The following SLCO3A1 variants were observed in gnomAD, a reference collection of about 807,000 sequenced individuals.
SLCO3A1 encodes PGE1 transporter.
A neutral mutation model predicts 63.1 loss-of-function variants in SLCO3A1; 27 were observed. The ratio of observed to expected loss-of-function variants is 0.43; its 90% CI spans 0.32 to 0.59. The LOEUF is 0.59. Among genes scored for constraint, SLCO3A1 ranks in the 20% least tolerant of loss-of-function variants. The probability of loss-of-function intolerance (pLI) is 0.09; values close to 1 mark genes in which losing one functional copy is unlikely to be tolerated. For synonymous variants in SLCO3A1, 473 were observed against 409.9 expected (o/e 1.15, Z -1.86); for missense variants, 773 against 945.8 (o/e 0.82, Z 2.40).
chr15:91,925,216 T>TGA (rs1200973684), intron 2 of SLCO3A1, among the ~76,000 whole-genome samples: 2 of 152,230 alleles, frequency 1.3e-5, no homozygotes, highest in Non-Finnish European at 2.9e-5. Context: ...TTTACTTTTC[T>TGA]GAGAGAGAAT....
intron 2 of SLCO3A1, among the ~76,000 whole-genome samples, chr15:91,946,854 T>C (rs771009220): frequency 5.3e-5 from 8 of 152,166 alleles, no homozygotes; most frequent in Non-Finnish European, 7.4e-5. Flanking sequence ...TCGGCGTCCT[T>C]CTGCAAACAT....
intron 2 of SLCO3A1, among the ~76,000 whole-genome samples, chr15:92,010,738 C>A (rs2046360093): frequency 6.6e-6 from 1 of 152,192 alleles, no homozygotes; most frequent in Non-Finnish European, 1.5e-5. Context: ...ATGATGACCC[C>A]TCTGCCGCAT....
intron 2 of SLCO3A1, among the ~76,000 whole-genome samples, chr15:92,030,478 T>C (rs2046633179): frequency 1.3e-5 from 2 of 152,192 alleles, no homozygotes; most frequent in African/African-American, 2.4e-5. Context: ...GCCATTACTA[T>C]GCCGTCTAAG....
At chr15:92,034,456 G>A (rs990302975) in intron 2 of SLCO3A1, among the ~76,000 whole-genome samples, 16 of 151,506 alleles carry the variant, frequency 1.1e-4, no homozygotes, top group African/African-American at 3.4e-4. Context: ...ATGAGTCATC[G>A]GGGTAGAGAT....
chr15:92,063,587 T>C (rs1335576815), intron 2 of SLCO3A1, among the ~76,000 whole-genome samples: 1 of 152,188 alleles, frequency 6.6e-6, no homozygotes, highest in Non-Finnish European at 1.5e-5. Flanking sequence ...GGGCCGGGTG[T>C]GGTGGCTCAT....
At position 91,859,915 on chromosome 15, in the gene SLCO3A1, G is replaced by C. The variant is rs933378585; in HGVS notation, c.180+5827G>C. Among the ~76,000 whole-genome samples, 3 of 152,194 alleles carry C rather than the reference G, an allele frequency of 2.0e-5. No individual in the cohort carries two copies. Among genetic ancestry groups the C allele is most frequent in the Non-Finnish European group, 2.9e-5 (2 of 68,040 alleles). The stretch of plus-strand genomic sequence containing the variant: ...GTTTAGTGAATTGCATATTCAAGTA[G>C]TTTCCTATTCTACATGGACATTTTT... On this transcript the variant is annotated intron_variant, in intron 1 of 9. Coordinates refer to ENST00000318445, the MANE Select transcript of SLCO3A1 (RefSeq NM_013272.4). This position sits in a 1 kb window ranked among gnomAD's most constrained non-coding sequence, Gnocchi z 5.1.
At chr15:91,924,833 G>GT (rs1239060754) in intron 2 of SLCO3A1, among the ~76,000 whole-genome samples, 4 of 152,234 alleles carry the variant, frequency 2.6e-5, no homozygotes, top group Non-Finnish European at 5.9e-5. Flanking sequence ...CCCGAAGAGA[G>GT]TATTGGGATG....
chr15:92,073,782 G>A (rs904775103), intron 2 of SLCO3A1, among the ~76,000 whole-genome samples: 10 of 152,258 alleles, frequency 6.6e-5, no homozygotes, highest in Non-Finnish European at 1.2e-4. Flanking sequence ...AGCAACCCCA[G>A]CCCATTGTGA....
At chr15:92,060,099 A>C (rs1024883153) in intron 2 of SLCO3A1, among the ~76,000 whole-genome samples, 16 of 152,154 alleles carry the variant, frequency 1.1e-4, no homozygotes, top group African/African-American at 3.6e-4. Context: ...ACAGTGGTAC[A>C]CCTATAGAGG....
At chr15:91,923,720 T>C (rs1898921306) in intron 2 of SLCO3A1, among the ~76,000 whole-genome samples, 1 of 152,278 alleles carries the variant, frequency 6.6e-6, no homozygotes. Flanking sequence ...TAGAAAATTA[T>C]TGTCAGTAGT....
chr15:91,917,089 C>CT, intron 2 of SLCO3A1, among the ~76,000 whole-genome samples: 1 of 152,310 alleles, frequency 6.6e-6, no homozygotes, highest in Middle Eastern at 3.4e-3. Flanking sequence ...TAAGAATCAT[C>CT]TGAGTGGCAA....
chr15:92,031,760 G>A (rs2046651905), intron 2 of SLCO3A1, among the ~76,000 whole-genome samples: 1 of 152,178 alleles, frequency 6.6e-6, no homozygotes, highest in African/African-American at 2.4e-5. Flanking sequence ...AGGGTCAACA[G>A]GGCATCCATC....
intron 7 of SLCO3A1, 38 bp from the exon 8 acceptor site, chr15:92,146,946 G>A: frequency 3.9e-6 from 6 of 1,555,162 alleles, no homozygotes; most frequent in Non-Finnish European, 5.2e-6. Flanking sequence ...GAAACCGGAA[G>A]TACCCCCAGA....
In SLCO3A1 at chr15:92,163,738, A is replaced by C. The variant is rs943375261; in HGVS notation, c.*603A>C. On this transcript the variant is annotated 3_prime_UTR_variant, in exon 10 of 10. Coordinates refer to ENST00000318445, the MANE Select transcript of SLCO3A1 (RefSeq NM_013272.4). ...TGTGTAGACGACTCACCCAGTCTGC[A>C]TGTGGTTCAAGGCCCCAGAGTTCTC... The C allele has an allele frequency of 5.1e-6, 5 of 985,176 alleles. No individual in the cohort carries two copies. The highest frequency in any genetic ancestry group is 6.2e-5 in the Admixed American group (1 of 16,250). 61.0% of individuals were successfully genotyped at this position (985,176 alleles called of 1,614,324 possible).
chr15:91,866,148 C>T (rs545472625), intron 1 of SLCO3A1, among the ~76,000 whole-genome samples: 1 of 152,304 alleles, frequency 6.6e-6, no homozygotes, highest in South Asian at 2.1e-4. Context: ...ACATCATTTT[C>T]TCTTCCTGGG....
rs1898326614 is a variant in SLCO3A1, at chr15:91,906,962, T to TATG, written c.181-9031_181-9030insATG. Among the ~76,000 whole-genome samples, 5 of 152,082 alleles carry TATG rather than the reference T, an allele frequency of 3.3e-5. No individual in the cohort carries two copies. In the South Asian group the frequency reaches 1.0e-3, roughly 32 times the overall value. On this transcript the variant is annotated intron_variant, in intron 1 of 9. Transcript: ENST00000318445. ...TTTTTAAAGAGACAATCATGAAATGTTACATACCCTCAGAATGAATCAATG... is the reference window on the plus strand; with the variant it reads ...TTTTTAAAGAGACAATCATGAAATGTATGTACATACCCTCAGAATGAATCAATG...
At chr15:92,081,118 G>A (rs2047340449) in intron 2 of SLCO3A1, among the ~76,000 whole-genome samples, 1 of 152,106 alleles carries the variant, frequency 6.6e-6, no homozygotes, top group East Asian at 1.9e-4. Flanking sequence ...TACTCTTTCA[G>A]TTATTTTTAA....
intron 4 of SLCO3A1, among the ~76,000 whole-genome samples, chr15:92,115,175 AT>A (rs2047778555): frequency 1.3e-5 from 2 of 152,058 alleles, no homozygotes; most frequent in Non-Finnish European, 2.9e-5. Flanking sequence ...GGCAACTTCA[AT>A]TCCGGGGAAC....
chr15:92,038,407 C>G (rs2046753737), intron 2 of SLCO3A1, among the ~76,000 whole-genome samples: 1 of 152,164 alleles, frequency 6.6e-6, no homozygotes, highest in Admixed American at 6.5e-5. Flanking sequence ...GCAAAAGTCT[C>G]AGGATACAAA....
Sources: allele counts gnomAD v4.1 joint callset (sites outside exome capture counted in the v4.1 genomes callset), GRCh38; gene constraint gnomAD v4.1.1; non-coding constraint Gnocchi (gnomAD v3.1); transcripts MANE v1.5; gene names NCBI Gene and HGNC (gene_info 2026-07-23, HGNC 2026-07-21).